Variants in TIMD4 observed in about 807,000 individuals in gnomAD.
TIMD4 encodes T cell immunoglobulin and mucin domain containing 4, also known as T-cell immunoglobulin and mucin domain-containing protein 4.
TIMD4 carries 31 observed loss-of-function variants against 41.2 expected under a neutral mutation model. The ratio of observed to expected loss-of-function variants is 0.75; its 90% CI spans 0.57 to 1.01. The LOEUF (loss-of-function observed/expected upper bound fraction) is 1.01. Among genes scored for constraint, TIMD4 ranks in the 50% least tolerant of loss-of-function variants. The probability of loss-of-function intolerance (pLI) is 0.00; values close to 1 mark genes in which losing one functional copy is unlikely to be tolerated. For missense variants in TIMD4, 479 were observed against 472.5 expected (o/e 1.01, Z -0.13); for synonymous variants, 204 against 177.1 (o/e 1.15, Z -1.21).
Position 156,962,995 on chromosome 5 carries a change from C to T in TIMD4, c.58+146G>A, listed in dbSNP as rs1753101417. The T allele has an allele frequency of 3.9e-6, 3 of 771,358 alleles. No homozygotes were observed. In the Admixed American group the frequency reaches 6.6e-5, roughly 17 times the overall value. The allele number at this position is 771,358 out of a possible 1,614,324, so 47.8% of individuals were successfully genotyped here. A position where few individuals can be genotyped will look rare whatever the true frequency, so the allele number is the denominator to read the frequency against. ...AACAAGGCAGGACAGAGACCCTCCA[C>T]AGAAGGAAGCCTGGTAGGGAGAGGG... is the stretch of plus-strand genomic sequence containing the variant. On this transcript the variant is annotated intron_variant, in intron 1 of 8. Coordinates refer to ENST00000274532, the MANE Select transcript of TIMD4 (RefSeq NM_138379.3).
intron 5 of TIMD4, 56 bp from the exon 6 acceptor site, chr5:156,926,368 A>C: frequency 6.4e-7 from 1 of 1,568,622 alleles, no homozygotes; most frequent in South Asian, 1.1e-5. Flanking sequence ...ATAAAATATC[A>C]CATCCTGAAA....
chr5:156,948,358 A>T (rs939934429), intron 5 of TIMD4, 58 bp downstream of exon 5: 98 of 1,046,538 alleles, frequency 9.4e-5, no homozygotes, highest in African/African-American at 4.7e-4. Context: ...TGTCTAAAAA[A>T]AATAATAATA....
In TIMD4 at chr5:156,933,365, G is replaced by A. The variant is rs191787280; in HGVS notation, c.845-7053C>T. Among the ~76,000 whole-genome samples, 13 of 151,976 alleles carry A rather than the reference G, an allele frequency of 8.6e-5. 1 individual carries two copies. Among genetic ancestry groups the A allele is most frequent in the Admixed American group, 8.5e-4 (13 of 15,252 alleles). On this transcript the variant is annotated intron_variant, in intron 5 of 8. Transcript: ENST00000274532. ...GATGCTCTCTCTACAAAAAATTTTT[G>A]TAACAAATTAGCCAGGCATTCTAGG...
chr5:156,921,638 AAAAAAAAAG>A, intron 7 of TIMD4, among the ~76,000 whole-genome samples: 1 of 150,876 alleles, frequency 6.6e-6, no homozygotes, highest in Non-Finnish European at 1.5e-5. Context: ...AAAAAAAAAA[AAAAAAAAAG>A]AAGAAGAAAA....
chr5:156,921,616 C>CCAAAAA (rs1561542964), intron 7 of TIMD4, among the ~76,000 whole-genome samples: 2 of 47,252 alleles, frequency 4.2e-5, no homozygotes, highest in Non-Finnish European at 8.0e-5. Context: ...GAGACTCTCT[C>CCAAAAA]AAAAAAAAAA....
At chr5:156,920,609 A>G (rs1452508959) in intron 7 of TIMD4, 106 bp from the exon 8 acceptor site, 1 of 1,188,956 alleles carries the variant, frequency 8.4e-7, no homozygotes, top group Non-Finnish European at 1.2e-6. Flanking sequence ...ATATGGGCCA[A>G]AGGTGAGAAC....
At chr5:156,941,609 C>A (rs549341356) in intron 5 of TIMD4, among the ~76,000 whole-genome samples, 1 of 152,250 alleles carries the variant, frequency 6.6e-6, no homozygotes, top group African/African-American at 2.4e-5. Context: ...GACCCTGGTC[C>A]TCATTTTCAT....
chr5:156,921,204 C>G (rs559658280), intron 7 of TIMD4, among the ~76,000 whole-genome samples: 24 of 152,154 alleles, frequency 1.6e-4, no homozygotes, highest in African/African-American at 4.6e-4. Flanking sequence ...ACCTTGTCCC[C>G]TGAAAAATGC....
chr5:156,948,820 C>T (rs1759795418), intron 4 of TIMD4, among the ~76,000 whole-genome samples: 2 of 152,222 alleles, frequency 1.3e-5, no homozygotes, highest in South Asian at 4.1e-4. Flanking sequence ...GGAGCACCCA[C>T]ATAAATCACT....
chr5:156,952,376 C>T (rs977295826), intron 2 of TIMD4, among the ~76,000 whole-genome samples: 1 of 152,022 alleles, frequency 6.6e-6, no homozygotes, highest in Non-Finnish European at 1.5e-5. Flanking sequence ...AGATAAAGAA[C>T]CCAGTCCTGC....
At chr5:156,938,052 C>T (rs1029891775) in intron 5 of TIMD4, among the ~76,000 whole-genome samples, 1 of 152,200 alleles carries the variant, frequency 6.6e-6, no homozygotes, top group African/African-American at 2.4e-5. Context: ...CCTCCTACAA[C>T]TTTTCCATGC....
intron 2 of TIMD4, 85 bp downstream of exon 2, chr5:156,954,330 C>T (rs1449201479): frequency 1.2e-5 from 16 of 1,329,318 alleles, no homozygotes; most frequent in African/African-American, 2.9e-5. Context: ...GCAACTCTAA[C>T]CTCTTCACCA....
At chr5:156,941,181 A>AGGCC (rs1437055013) in intron 5 of TIMD4, among the ~76,000 whole-genome samples, 1 of 152,104 alleles carries the variant, frequency 6.6e-6, no homozygotes, top group African/African-American at 2.4e-5. Flanking sequence ...ACACTGCGGA[A>AGGCC]GGCCGCAGGG....
intron 6 of TIMD4, chr5:156,924,304 G>T: frequency 2.9e-6 from 1 of 345,550 alleles, no homozygotes; most frequent in South Asian, 2.6e-5. Flanking sequence ...GCTTAGGAAA[G>T]CATCTCTCAG....
intron 7 of TIMD4, among the ~76,000 whole-genome samples, chr5:156,920,785 A>G (rs1222848491): frequency 6.6e-6 from 1 of 152,204 alleles, no homozygotes; most frequent in Non-Finnish European, 1.5e-5. Context: ...TCAAGCACTC[A>G]CTTGGGTTTC....
At chr5:156,924,033 G>T (rs1012936457) in intron 6 of TIMD4, 6 of 177,972 alleles carry the variant, frequency 3.4e-5, no homozygotes, top group Non-Finnish European at 7.0e-5. Context: ...TTTTTGTAGA[G>T]ACAGGGGTCT....
At position 156,951,717 on chromosome 5, in the gene TIMD4, T is replaced by A; in HGVS notation, c.474A>T (p.Arg158=). ...RTTTTSPTTT[R]QMTTTPAALP... is the part of the protein sequence containing the mutation. ...GTGCAGCTGGGGTTGTTGTCATTTGTCGGGTGGTGGTGGGGCTTGTTGTTG... is the reference window on the plus strand; with the variant it reads ...GTGCAGCTGGGGTTGTTGTCATTTGACGGGTGGTGGTGGGGCTTGTTGTTG... Residue 158 remains arginine, a synonymous_variant, in exon 3 of 9, where the codon CGA becomes CGT. Coordinates refer to ENST00000274532, the MANE Select transcript of TIMD4 (RefSeq NM_138379.3). 2.5e-6 allele frequency: 4 copies of A among 1,614,126 alleles called. No individual in the cohort carries two copies. The highest frequency in any genetic ancestry group is 3.4e-6 in the Non-Finnish European group (4 of 1,180,024).
intron 5 of TIMD4, among the ~76,000 whole-genome samples, chr5:156,941,239 T>C (rs1222919370): frequency 6.8e-6 from 1 of 147,334 alleles, no homozygotes; most frequent in African/African-American, 2.5e-5. Flanking sequence ...GTTTATCTGC[T>C]GACCTTCTCT....
At chr5:156,945,967 C>T (rs576379633) in intron 5 of TIMD4, among the ~76,000 whole-genome samples, 1 of 152,286 alleles carries the variant, frequency 6.6e-6, no homozygotes, top group South Asian at 2.1e-4. Context: ...TCCCTAATGA[C>T]TAAATGTTCC....
Sources: allele counts gnomAD v4.1 joint callset (sites outside exome capture counted in the v4.1 genomes callset), GRCh38; gene constraint gnomAD v4.1.1; transcripts MANE v1.5; gene names NCBI Gene and HGNC (gene_info 2026-07-23, HGNC 2026-07-21).